TOP1: variants seen among roughly 807,000 people sequenced by gnomAD.
TOP1 encodes the protein DNA topoisomerase 1.
In TOP1, 10 loss-of-function variants were observed where a neutral mutation model predicts 111.1. The ratio of observed to expected loss-of-function variants is 0.09; its 90% CI spans 0.06 to 0.15. The LOEUF is 0.15. TOP1 is among the 10% of genes least tolerant of loss of function. The pLI, the probability that TOP1 is intolerant of heterozygous loss-of-function variation, is 1.00. For missense variants in TOP1, 474 were observed against 926.7 expected (o/e 0.51, Z 6.34); for synonymous variants, 271 against 302.9 (o/e 0.89, Z 1.10).
In TOP1 at chr20:41,097,632, G is replaced by A. The variant is rs2034000555; in HGVS notation, c.852+291G>A. 6.6e-6 allele frequency among the ~76,000 whole-genome samples: 1 copy of A among 152,206 alleles called. No individual in the cohort carries two copies. The highest frequency in any genetic ancestry group is 2.4e-5 in the African/African-American group (1 of 41,454). ...ACTCCAGTTGCGCACAGGAAAGTTT[G>A]TCGCTGCAGGACTGCCCCGTGTCTG... is the stretch of plus-strand genomic sequence containing the variant. On this transcript the variant is annotated intron_variant, in intron 10 of 20. Coordinates refer to ENST00000361337, the MANE Select transcript of TOP1 (RefSeq NM_003286.4). This position sits in a 1 kb window ranked among gnomAD's most constrained non-coding sequence, Gnocchi z 4.2.
intron 13 of TOP1, among the ~76,000 whole-genome samples, chr20:41,111,603 T>C (rs78775825): frequency 0.21 from 12,252 of 57,714 alleles, 937 homozygotes; most frequent in African/African-American, 0.38. Context: ...CCCCGCCCCC[T>C]TTTTTTTTTT....
intron 11 of TOP1, among the ~76,000 whole-genome samples, chr20:41,099,389 C>T (rs1003852087): frequency 7.9e-5 from 12 of 152,132 alleles, no homozygotes; most frequent in Non-Finnish European, 1.6e-4. Context: ...ATTTTATAAA[C>T]ATCCCCTTGT....
chr20:41,097,830 C>T lies in TOP1; in HGVS notation c.853-385C>T, dbSNP rs529187366. On this transcript the variant is annotated intron_variant, in intron 10 of 20. Transcript: ENST00000361337. The surrounding 1 kb of genome is among the most constrained non-coding windows in gnomAD (Gnocchi z 4.2). ...TGGACAGAGGCAGCAGTAAAGTTTA[C>T]TTCCTGAACTAGCTCAGAAAAAGCA... Among the ~76,000 whole-genome samples, 41 of 152,270 alleles carry T rather than the reference C, an allele frequency of 2.7e-4. 1 individual carries two copies. The highest frequency in any genetic ancestry group is 9.1e-4 in the African/African-American group (38 of 41,550).
Position 41,115,550 on chromosome 20 carries a change from C to T in TOP1, c.1707+111C>T, listed in dbSNP as rs1600602617. Reference sequence around the variant, plus strand: ...TGGGCTCTCCCTTTAGCCTGGCCTGCTCTGTGGCATCCCATACACTCTCTC... The same window carrying T: ...TGGGCTCTCCCTTTAGCCTGGCCTGTTCTGTGGCATCCCATACACTCTCTC... On this transcript the variant is annotated intron_variant, in intron 16 of 20. Transcript: ENST00000361337. This position sits in a 1 kb window ranked among gnomAD's most constrained non-coding sequence, Gnocchi z 6.3. 1 of 755,980 alleles carries T rather than the reference C, an allele frequency of 1.3e-6. No homozygotes were observed. Among genetic ancestry groups the T allele is most frequent in the East Asian group, 2.6e-5 (1 of 39,126 alleles). 46.8% of individuals were successfully genotyped at this position (755,980 alleles called of 1,614,324 possible). A position where few individuals can be genotyped will look rare whatever the true frequency, so the allele number is the denominator to read the frequency against.
rs771544147 is a variant in TOP1 at position 41,100,246 on chromosome 20, G to A, written c.1163+3G>A. 1 of 1,610,102 alleles carries A rather than the reference G, an allele frequency of 6.2e-7. No individual in the cohort carries two copies. Among genetic ancestry groups the A allele is most frequent in the Admixed American group, 1.7e-5 (1 of 59,340 alleles). On this transcript the variant is annotated splice_donor_region_variant and intron_variant, in intron 12 of 20. Transcript: ENST00000361337. The surrounding 1 kb of genome is among the most constrained non-coding windows in gnomAD (Gnocchi z 4.4). Reference sequence around the variant, plus strand: ...GATATAATCATCAACTGTAGCAAGTGAGCTCGCACTTCATCCTATGGGCCA... The same window carrying A: ...GATATAATCATCAACTGTAGCAAGTAAGCTCGCACTTCATCCTATGGGCCA...
At position 41,032,769 on chromosome 20, in the gene TOP1, T is replaced by C. The variant is rs553377442; in HGVS notation, c.58+3314T>C. Among the ~76,000 whole-genome samples, 9 of 152,230 alleles carry C rather than the reference T, an allele frequency of 5.9e-5. No individual in the cohort carries two copies. Among genetic ancestry groups the C allele is most frequent in the Non-Finnish European group, 1.3e-4 (9 of 68,032 alleles). On this transcript the variant is annotated intron_variant, in intron 2 of 20. Coordinates refer to ENST00000361337, the MANE Select transcript of TOP1 (RefSeq NM_003286.4). The surrounding 1 kb of genome is among the most constrained non-coding windows in gnomAD (Gnocchi z 4.3). ...AAATATGAATTGTTTCTGATGCTAA[T>C]AGATAGTTGTACTTCTGTCTGTTGG...
chr20:41,116,507 A>G lies in TOP1; in HGVS notation c.1822+115A>G. ...TTTTTCCCTACCATTGTGGTCAGAC[A>G]CTTTTTCCCTTTAGACCTCTAGTAG... On this transcript the variant is annotated intron_variant, in intron 17 of 20. Coordinates refer to ENST00000361337, the MANE Select transcript of TOP1 (RefSeq NM_003286.4). The surrounding 1 kb of genome is among the most constrained non-coding windows in gnomAD (Gnocchi z 5.6). 1.3e-6 allele frequency: 1 copy of G among 743,628 alleles called. No individual in the cohort carries two copies. Among genetic ancestry groups the G allele is most frequent in the South Asian group, 1.7e-5 (1 of 58,250 alleles). 46.1% of individuals were successfully genotyped at this position (743,628 alleles called of 1,614,324 possible).
chr20:41,109,926 T>C lies in TOP1; in HGVS notation c.1309-2856T>C, dbSNP rs1471759972. 6.6e-6 allele frequency among the ~76,000 whole-genome samples: 1 copy of C among 152,176 alleles called. No individual in the cohort carries two copies. The highest frequency in any genetic ancestry group is 1.5e-5 in the Non-Finnish European group (1 of 68,024). On this transcript the variant is annotated intron_variant, in intron 13 of 20. Coordinates refer to ENST00000361337, the MANE Select transcript of TOP1 (RefSeq NM_003286.4). The surrounding 1 kb of genome is among the most constrained non-coding windows in gnomAD (Gnocchi z 4.1). ...CACATTATGGTATAGTCATAGAATA[T>C]ACTATATTTATCAGCAGTTAAGAAG...
Position 41,071,408 on chromosome 20 carries a change from G to T in TOP1, c.156-4763G>T, listed in dbSNP as rs1433922130. ...TCGCCAGGCTGGAGTGCAGTGGCGT[G>T]ATCTCGGCTCACTGCAGCCTCTGTC... On this transcript the variant is annotated intron_variant, in intron 3 of 20. Transcript: ENST00000361337. The surrounding 1 kb of genome is among the most constrained non-coding windows in gnomAD (Gnocchi z 4.3). Among the ~76,000 whole-genome samples the T allele has an allele frequency of 6.6e-6, 1 of 151,624 alleles. No individual in the cohort carries two copies. Among genetic ancestry groups the T allele is most frequent in the Non-Finnish European group, 1.5e-5 (1 of 67,930 alleles).
At chr20:41,104,867 T>A (rs1483344708) in intron 13 of TOP1, among the ~76,000 whole-genome samples, 1 of 152,244 alleles carries the variant, frequency 6.6e-6, no homozygotes, top group Non-Finnish European at 1.5e-5. Context: ...GAATAATTTT[T>A]AACTTTATAT....
rs2033317273 is a variant in TOP1, at chr20:41,045,078, G to A, written c.58+15623G>A. 2.6e-5 allele frequency among the ~76,000 whole-genome samples: 4 copies of A among 152,310 alleles called. No individual in the cohort carries two copies. The East Asian group carries it at 7.7e-4, about 29-fold the overall frequency. ...GCTGGGATTACAAGCATGAGCCACT[G>A]CACCTGGCCTATATGAGGTTTTGAG... On this transcript the variant is annotated intron_variant, in intron 2 of 20. Coordinates refer to ENST00000361337, the MANE Select transcript of TOP1 (RefSeq NM_003286.4).
intron 3 of TOP1, among the ~76,000 whole-genome samples, chr20:41,075,461 G>A (rs1352115566): frequency 2.0e-5 from 3 of 152,148 alleles, no homozygotes; most frequent in South Asian, 2.1e-4. Flanking sequence ...GTGAGCCACC[G>A]CGCCCAGCCC....
Position 41,034,153 on chromosome 20 carries a change from G to A in TOP1, c.58+4698G>A, listed in dbSNP as rs1323800403. On this transcript the variant is annotated intron_variant, in intron 2 of 20. Coordinates refer to ENST00000361337, the MANE Select transcript of TOP1 (RefSeq NM_003286.4). The surrounding 1 kb of genome is among the most constrained non-coding windows in gnomAD (Gnocchi z 4.0). ...GCATTTAGGCAAACAGTTGACACAT[G>A]GATTTCTTAAGGTAAAAAGTTTAGA... Among the ~76,000 whole-genome samples the A allele has an allele frequency of 2.0e-5, 3 of 152,194 alleles. No homozygotes were observed. The highest frequency in any genetic ancestry group is 7.2e-5 in the African/African-American group (3 of 41,446).
chr20:41,065,877 G>C (rs2033600470), intron 3 of TOP1, among the ~76,000 whole-genome samples: 1 of 151,996 alleles, frequency 6.6e-6, no homozygotes, highest in African/African-American at 2.4e-5. Flanking sequence ...ATTCTCCGGG[G>C]TGTATACCTA....
chr20:41,097,324 T>C lies in TOP1; in HGVS notation c.835T>C (p.Phe279Leu). Residue 279 changes from phenylalanine (F) to leucine (L), a missense_variant, in exon 10 of 21, where the codon TTT becomes CTT. Coordinates refer to ENST00000361337, the MANE Select transcript of TOP1 (RefSeq NM_003286.4). This position sits in a 1 kb window ranked among gnomAD's most constrained non-coding sequence, Gnocchi z 4.2. Reference sequence around the variant, plus strand: ...CAAGGAAATATTTAGGAAAAATTTCTTTAAAGACTGGAGAAAGGTACTGTA... The same window carrying C: ...CAAGGAAATATTTAGGAAAAATTTCCTTAAAGACTGGAGAAAGGTACTGTA... ...TTKEIFRKNFFKDWRKEMTNE... is the reference protein window; with the variant it reads ...TTKEIFRKNFLKDWRKEMTNE... 6.2e-7 allele frequency: 1 copy of C among 1,613,814 alleles called. No individual in the cohort carries two copies.
intron 2 of TOP1, among the ~76,000 whole-genome samples, chr20:41,037,317 C>T (rs1418635045): frequency 1.3e-5 from 2 of 151,942 alleles, no homozygotes; most frequent in East Asian, 1.9e-4. Context: ...AATAAAATGC[C>T]AAGTTCATTA....
chr20:41,081,343 G>A, intron 7 of TOP1, 103 bp downstream of exon 7: 1 of 1,362,976 alleles, frequency 7.3e-7, no homozygotes, highest in Non-Finnish European at 9.7e-7. Flanking sequence ...TTATTGGCTT[G>A]TTATAACATT....
At chr20:41,044,846 A>G (rs549935575) in intron 2 of TOP1, among the ~76,000 whole-genome samples, 2 of 152,332 alleles carry the variant, frequency 1.3e-5, no homozygotes, top group South Asian at 4.1e-4. Context: ...GCTGGAGTGC[A>G]GTGGCGCGAT....
rs1166138494 is a variant in TOP1 at position 41,030,564 on chromosome 20, C to T, written c.58+1109C>T. The stretch of plus-strand genomic sequence containing the variant: ...TCTTACTGTATTTCCACTTCAGTTA[C>T]CCAGGGAAGAGTCCTCCAATAAAAA... On this transcript the variant is annotated intron_variant, in intron 2 of 20. Transcript: ENST00000361337. This position sits in a 1 kb window ranked among gnomAD's most constrained non-coding sequence, Gnocchi z 4.1. Among the ~76,000 whole-genome samples the T allele has an allele frequency of 6.6e-6, 1 of 151,896 alleles. No individual in the cohort carries two copies. The highest frequency in any genetic ancestry group is 1.5e-5 in the Non-Finnish European group (1 of 68,008).
Sources: allele counts gnomAD v4.1 joint callset (sites outside exome capture counted in the v4.1 genomes callset), GRCh38; gene constraint gnomAD v4.1.1; non-coding constraint Gnocchi (gnomAD v3.1); transcripts MANE v1.5; gene names NCBI Gene and HGNC (gene_info 2026-07-23, HGNC 2026-07-21).